The following MED6 variants were observed in gnomAD, a reference collection of about 807,000 sequenced individuals.
The protein encoded by MED6 is mediator of RNA polymerase II transcription subunit 6.
Under a neutral mutation model 37.5 loss-of-function variants are expected in MED6, and 33 were observed. The observed-to-expected ratio is 0.88, with a 90% CI of 0.67 to 1.18. MED6 has a LOEUF of 1.18. MED6 is among the 50% of genes most tolerant of loss of function. The probability of loss-of-function intolerance (pLI) is 0.00; values close to 1 mark genes in which losing one functional copy is unlikely to be tolerated. For synonymous variants in MED6, 94 were observed against 93.6 expected (o/e 1.00, Z -0.02); for missense variants, 235 against 290.6 (o/e 0.81, Z 1.39).
At chr14:70,589,167 A>C (rs1595048279) in intron 6 of MED6, among the ~76,000 whole-genome samples, 1 of 152,204 alleles carries the variant, frequency 6.6e-6, no homozygotes, top group African/African-American at 2.4e-5. Context: ...AATAATACCT[A>C]GTCTAATTCT....
chr14:70,588,671 G>C (rs1371834213), intron 6 of MED6, among the ~76,000 whole-genome samples: 1 of 148,030 alleles, frequency 6.8e-6, no homozygotes, highest in African/African-American at 2.5e-5. Flanking sequence ...GGGCGACAGA[G>C]TGAGACTCCG....
chr14:70,588,581 G>C (rs1884777519), intron 6 of MED6, among the ~76,000 whole-genome samples: 1 of 151,752 alleles, frequency 6.6e-6, no homozygotes, highest in African/African-American at 2.4e-5. Context: ...AGCTACTCAG[G>C]AGGCTGAGGC....
chr14:70,585,473 C>T (rs928437037), intron 7 of MED6, among the ~76,000 whole-genome samples: 3 of 152,088 alleles, frequency 2.0e-5, no homozygotes, highest in Admixed American at 6.6e-5. Flanking sequence ...TTCAACCCAC[C>T]GCCCACGGGC....
rs528314680 is a variant in MED6, at chr14:70,592,867, A to G, written c.466+13T>C. On this transcript the variant is annotated intron_variant, in intron 5 of 7. Transcript: ENST00000256379. ...CAAAAAGTGTTTTAGGAGGGTATGGATGTTCTACTTACCTTGCTCTTCATG... is the reference window on the plus strand; with the variant it reads ...CAAAAAGTGTTTTAGGAGGGTATGGGTGTTCTACTTACCTTGCTCTTCATG... 10 of 1,613,312 alleles carry G rather than the reference A, an allele frequency of 6.2e-6. No homozygotes were observed. Among genetic ancestry groups the G allele is most frequent in the Non-Finnish European group, 8.5e-6 (10 of 1,179,556 alleles).
chr14:70,592,914 C>T lies in MED6; in HGVS notation c.432G>A (p.Gly144=), dbSNP rs143162052. Residue 144 remains glycine, a synonymous_variant, in exon 5 of 8, where the codon GGG becomes GGA. Coordinates refer to ENST00000256379, the MANE Select transcript of MED6 (RefSeq NM_005466.4). ...MSYCRYHPSK[G]YWWHFKDHEE... ...CATGATCTTTGAAGTGCCACCAATA[C>T]CCTTTGGAAGGATGATATCGACAGT... 1.2e-6 allele frequency: 2 copies of T among 1,613,886 alleles called. No individual in the cohort carries two copies. The highest frequency in any genetic ancestry group is 1.7e-6 in the Non-Finnish European group (2 of 1,179,910).
chr14:70,592,990 T>C lies in MED6; in HGVS notation c.358-2A>G, dbSNP rs1884929337. ...CTGAATACCATGCACTGCAGTAAGC[T>C]TGTAAAAGGAAAATAAACTCTAAAT... On this transcript the variant is annotated splice_acceptor_variant, in intron 4 of 7. Coordinates refer to ENST00000256379, the MANE Select transcript of MED6 (RefSeq NM_005466.4). LOFTEE classifies it high-confidence loss of function. The C allele has an allele frequency of 1.9e-6, 3 of 1,613,306 alleles. No homozygotes were observed. Among genetic ancestry groups the C allele is most frequent in the African/African-American group, 1.3e-5 (1 of 75,004 alleles).
At chr14:70,590,526 T>C in intron 6 of MED6, among the ~76,000 whole-genome samples, 1 of 152,186 alleles carries the variant, frequency 6.6e-6, no homozygotes. Flanking sequence ...GTGAAAAATG[T>C]CATTTAGTTT....
chr14:70,585,243 A>G (rs2032208238), intron 7 of MED6, among the ~76,000 whole-genome samples: 1 of 152,246 alleles, frequency 6.6e-6, no homozygotes, highest in Non-Finnish European at 1.5e-5. Context: ...CCTGTTTTCA[A>G]TAATGTAACA....
intron 3 of MED6, chr14:70,594,800 C>T: frequency 1.7e-6 from 1 of 599,330 alleles, no homozygotes; most frequent in Admixed American, 2.2e-5. Context: ...GGAGACCATG[C>T]AAAGCCTGAA....
At chr14:70,599,567 A>G (rs1278699842) in intron 1 of MED6, among the ~76,000 whole-genome samples, 2 of 151,948 alleles carry the variant, frequency 1.3e-5, no homozygotes, top group Non-Finnish European at 2.9e-5. Flanking sequence ...AGCTTTCAAC[A>G]CCTTTCTGAC....
rs769194993 is a variant in MED6, at chr14:70,600,599, A to G, written c.22+17T>C. On this transcript the variant is annotated intron_variant, in intron 1 of 7. Coordinates refer to ENST00000256379, the MANE Select transcript of MED6 (RefSeq NM_005466.4). ...TCCACAGACAATCAAGAGACAAAAT[A>G]TAGCAATACAGTATACCTCGGATAT... The G allele has an allele frequency of 6.2e-7, 1 of 1,613,216 alleles. No individual in the cohort carries two copies. Among genetic ancestry groups the G allele is most frequent in the African/African-American group, 1.3e-5 (1 of 74,630 alleles).
intron 2 of MED6, 117 bp downstream of exon 2, chr14:70,597,499 CAA>C: frequency 1.1e-6 from 1 of 894,378 alleles, no homozygotes; most frequent in Admixed American, 3.7e-5. Context: ...TAAACCCAAA[CAA>C]AACTCCAGTT....
intron 4 of MED6, 48 bp from the exon 5 acceptor site, chr14:70,593,036 C>G (rs1426930359): frequency 1.2e-6 from 2 of 1,608,034 alleles, no homozygotes; most frequent in Non-Finnish European, 1.7e-6. Context: ...GTCGACCAAA[C>G]TTTCCAAAGT....
Position 70,585,021 on chromosome 14 carries a change from A to C in MED6, c.611-78T>G. On this transcript the variant is annotated intron_variant, in intron 7 of 7. Transcript: ENST00000256379. ...GATAAATGGTTAATATGAATGGCTC[A>C]CATTTTCAAATTCATTTTTAACTGC... 3 of 1,460,772 alleles carry C rather than the reference A, an allele frequency of 2.1e-6. No individual in the cohort carries two copies. In the South Asian group the frequency reaches 3.8e-5, roughly 19 times the overall value. 90.5% of individuals were successfully genotyped at this position (1,460,772 alleles called of 1,614,324 possible).
intron 5 of MED6, chr14:70,591,598 T>C: frequency 4.6e-6 from 2 of 433,858 alleles, no homozygotes; most frequent in African/African-American, 2.1e-5. Context: ...TTTAAGCTGA[T>C]ACATATGTCT....
At chr14:70,592,790 G>A (rs1884919841) in intron 5 of MED6, 90 bp downstream of exon 5, 5 of 1,442,794 alleles carry the variant, frequency 3.5e-6, no homozygotes, top group Non-Finnish European at 3.8e-6. Flanking sequence ...AACACACTTA[G>A]AAAAGATCAA....
In MED6 at chr14:70,584,516, T is replaced by C. The variant is rs7150330; in HGVS notation, c.*297A>G. 0.24 allele frequency: 74,274 copies of C among 308,726 alleles called. 13,630 individuals carry two copies. Among genetic ancestry groups the C allele is most frequent in the African/African-American group, 0.6 (27,286 of 45,734 alleles). The allele number at this position is 308,726 out of a possible 1,614,324, so 19.1% of individuals were successfully genotyped here. On this transcript the variant is annotated 3_prime_UTR_variant, in exon 8 of 8. Coordinates refer to ENST00000256379, the MANE Select transcript of MED6 (RefSeq NM_005466.4). Reference sequence around the variant, plus strand: ...TCAGCCTCCCGAGTAGCTGGGACTATGGGCGCCCGCCACCACGCCCGGCTA... The same window carrying C: ...TCAGCCTCCCGAGTAGCTGGGACTACGGGCGCCCGCCACCACGCCCGGCTA...
In MED6 at chr14:70,584,202, T is replaced by G. The variant is rs763173685; in HGVS notation, c.*611A>C. 2 of 749,770 alleles carry G rather than the reference T, an allele frequency of 2.7e-6. No individual in the cohort carries two copies. Among genetic ancestry groups the G allele is most frequent in the Middle Eastern group, 2.3e-4 (1 of 4,358 alleles). The allele number at this position is 749,770 out of a possible 1,614,324, so 46.4% of individuals were successfully genotyped here. On this transcript the variant is annotated 3_prime_UTR_variant, in exon 8 of 8. Transcript: ENST00000256379. Reference sequence around the variant, plus strand: ...GTCTTCAAAGTGCATCTGAAAAATATCAGTTATGATGAAGAAAAAAGTCAT... The same window carrying G: ...GTCTTCAAAGTGCATCTGAAAAATAGCAGTTATGATGAAGAAAAAAGTCAT...
chr14:70,597,855 A>G, intron 1 of MED6, 78 bp from the exon 2 acceptor site: 1 of 1,216,290 alleles, frequency 8.2e-7, no homozygotes, highest in East Asian at 2.7e-5. Context: ...ATTATACATC[A>G]AATGTAGTAG....
Sources: gnomAD v4.1 joint callset for allele counts (sites outside exome capture counted in the v4.1 genomes callset) on GRCh38, gnomAD v4.1.1 for gene constraint, MANE v1.5 for transcripts, NCBI Gene and HGNC (gene_info 2026-07-23, HGNC 2026-07-21) for gene names.